The following CNTNAP2 variants were observed in gnomAD, a reference collection of about 807,000 sequenced individuals.
The protein encoded by CNTNAP2 is contactin associated protein 2.
A neutral mutation model predicts 155.2 loss-of-function variants in CNTNAP2; 98 were observed. That is an observed-to-expected ratio of 0.63 (90% CI 0.54 to 0.75). The LOEUF is 0.75. Ranked by LOEUF, CNTNAP2 falls within the 30% of genes least tolerant of loss-of-function variation. The pLI, the probability that CNTNAP2 is intolerant of heterozygous loss-of-function variation, is 0.00. For missense variants in CNTNAP2, 1,727 were observed against 1,688.1 expected (o/e 1.02, Z -0.40); for synonymous variants, 651 against 631.2 (o/e 1.03, Z -0.47).
At chr7:146,677,774 A>G (rs992289044) in intron 1 of CNTNAP2, among the ~76,000 whole-genome samples, 9 of 151,918 alleles carry the variant, frequency 5.9e-5, no homozygotes, top group African/African-American at 1.9e-4. Context: ...TTGATTAGCT[A>G]TACGTTGTTC....
intron 1 of CNTNAP2, among the ~76,000 whole-genome samples, chr7:146,664,485 A>C (rs1164549628): frequency 6.6e-6 from 1 of 151,918 alleles, no homozygotes; most frequent in Non-Finnish European, 1.5e-5. Context: ...TTGAATATAA[A>C]ATCAACACTG....
chr7:148,280,499 T>C (rs954857583), intron 21 of CNTNAP2, among the ~76,000 whole-genome samples: 11 of 152,214 alleles, frequency 7.2e-5, no homozygotes, highest in African/African-American at 2.7e-4. Context: ...ATGGTGACAC[T>C]GTACTCCTGA....
chr7:146,639,211 T>C (rs535022877), intron 1 of CNTNAP2, among the ~76,000 whole-genome samples: 1 of 152,348 alleles, frequency 6.6e-6, no homozygotes, highest in African/African-American at 2.4e-5. Flanking sequence ...CATACCAATT[T>C]ATTTTGTATG....
rs538600146 is a variant in CNTNAP2 at position 148,162,016 on chromosome 7, C to T, written c.2774-10226C>T. 3.3e-5 allele frequency among the ~76,000 whole-genome samples: 5 copies of T among 152,242 alleles called. 1 individual carries two copies. In the South Asian group the frequency reaches 8.3e-4, roughly 25 times the overall value. On this transcript the variant is annotated intron_variant, in intron 17 of 23. Coordinates refer to ENST00000361727, the MANE Select transcript of CNTNAP2 (RefSeq NM_014141.6). ...CCAGGCTTGACCTGGGACTAGCATCCGCAAAGGCTTGTATGTGAAGTCTGA... is the reference window on the plus strand; with the variant it reads ...CCAGGCTTGACCTGGGACTAGCATCTGCAAAGGCTTGTATGTGAAGTCTGA...
intron 1 of CNTNAP2, among the ~76,000 whole-genome samples, chr7:146,463,652 CACAT>C (rs1796672216): frequency 6.6e-6 from 1 of 151,594 alleles, no homozygotes; most frequent in African/African-American, 2.4e-5. Flanking sequence ...GTAATATATA[CACAT>C]ACATATGTGC....
At chr7:147,851,264 A>C (rs1235385637) in intron 13 of CNTNAP2, among the ~76,000 whole-genome samples, 3 of 152,210 alleles carry the variant, frequency 2.0e-5, no homozygotes, top group African/African-American at 7.2e-5. Context: ...TTAAAAAGTC[A>C]GGAAACAACA....
chr7:146,888,451 A>T (rs1196592903), intron 3 of CNTNAP2, among the ~76,000 whole-genome samples: 1 of 152,120 alleles, frequency 6.6e-6, no homozygotes, highest in South Asian at 2.1e-4. Context: ...TTCATATGTA[A>T]GGTAACTTCC....
chr7:146,987,731 A>G (rs550944151), intron 3 of CNTNAP2, among the ~76,000 whole-genome samples: 2 of 152,228 alleles, frequency 1.3e-5, no homozygotes, highest in African/African-American at 2.4e-5. Context: ...TGAAAAATGT[A>G]TATATATTCA....
At position 147,787,785 on chromosome 7, in the gene CNTNAP2, T is replaced by C. The variant is rs1464301812; in HGVS notation, c.2099-115780T>C. Among the ~76,000 whole-genome samples the C allele has an allele frequency of 1.5e-4, 23 of 152,238 alleles. 1 individual carries two copies. The highest frequency in any genetic ancestry group is 1.5e-5 in the Non-Finnish European group (1 of 68,034). ...AGCCACATTAGGCAATAATGAGAGC[T>C]AGTAATCACTTTTTTATTATGGAAA... On this transcript the variant is annotated intron_variant, in intron 13 of 23. Transcript: ENST00000361727.
At chr7:148,077,892 T>C (rs1803522642) in intron 15 of CNTNAP2, among the ~76,000 whole-genome samples, 1 of 152,234 alleles carries the variant, frequency 6.6e-6, no homozygotes, top group Admixed American at 6.5e-5. Flanking sequence ...TATTCTGTTC[T>C]TGTTTTTCTT....
chr7:147,549,672 G>C (rs145850504), intron 11 of CNTNAP2, among the ~76,000 whole-genome samples: 20 of 152,268 alleles, frequency 1.3e-4, no homozygotes, highest in Non-Finnish European at 2.4e-4. Flanking sequence ...GGCAAATCCT[G>C]CTGAGGTCTA....
intron 1 of CNTNAP2, among the ~76,000 whole-genome samples, chr7:146,477,738 A>G (rs1344598332): frequency 6.6e-6 from 1 of 152,012 alleles, no homozygotes; most frequent in Non-Finnish European, 1.5e-5. Flanking sequence ...TAACCAACAA[A>G]GTTTATTATT....
At chr7:147,967,669 TGG>T (rs1801244504) in intron 14 of CNTNAP2, among the ~76,000 whole-genome samples, 2 of 152,176 alleles carry the variant, frequency 1.3e-5, no homozygotes, top group South Asian at 4.1e-4. Flanking sequence ...TAATTGCATG[TGG>T]GGAGACTGTG....
chr7:147,931,447 C>A lies in CNTNAP2; in HGVS notation c.2255+27726C>A, dbSNP rs577578638. 3.4e-3 allele frequency among the ~76,000 whole-genome samples: 515 copies of A among 152,172 alleles called. 1 individual carries two copies. Among genetic ancestry groups the A allele is most frequent in the Non-Finnish European group, 4.8e-3 (328 of 68,002 alleles). ...ATACTTTCAAACTCATTTTATAAGG[C>A]CAGCATTTCCCTGACACCAAAGCCA... On this transcript the variant is annotated intron_variant, in intron 14 of 23. Coordinates refer to ENST00000361727, the MANE Select transcript of CNTNAP2 (RefSeq NM_014141.6).
chr7:146,592,133 C>G (rs1030088983), intron 1 of CNTNAP2, among the ~76,000 whole-genome samples: 5 of 152,264 alleles, frequency 3.3e-5, no homozygotes, highest in East Asian at 1.9e-4. Flanking sequence ...ATGGAAAAAA[C>G]AAAGCCAGTG....
At chr7:147,195,624 G>A (rs1469881425) in intron 8 of CNTNAP2, among the ~76,000 whole-genome samples, 1 of 151,976 alleles carries the variant, frequency 6.6e-6, no homozygotes, top group Non-Finnish European at 1.5e-5. Flanking sequence ...TCCTTGAAGA[G>A]GTCCTTCATG....
intron 11 of CNTNAP2, among the ~76,000 whole-genome samples, chr7:147,549,139 A>G (rs1280944244): frequency 6.6e-6 from 1 of 152,174 alleles, no homozygotes; most frequent in Non-Finnish European, 1.5e-5. Context: ...TCTGTGAAGA[A>G]TGTCAATGGT....
chr7:147,385,531 C>T (rs1796609791), intron 9 of CNTNAP2, among the ~76,000 whole-genome samples: 1 of 152,176 alleles, frequency 6.6e-6, no homozygotes, highest in South Asian at 2.1e-4. Context: ...GGCTAAAGTC[C>T]CCATGCAAGT....
chr7:147,839,965 C>CACA (rs1798702254), intron 13 of CNTNAP2, among the ~76,000 whole-genome samples: 1 of 151,210 alleles, frequency 6.6e-6, no homozygotes, highest in African/African-American at 2.4e-5. Flanking sequence ...CATATATATA[C>CACA]CATGGAATAC....
Sources: gnomAD v4.1 joint callset for allele counts (sites outside exome capture counted in the v4.1 genomes callset) on GRCh38, gnomAD v4.1.1 for gene constraint, MANE v1.5 for transcripts, NCBI Gene and HGNC (gene_info 2026-07-23, HGNC 2026-07-21) for gene names.